The following FSTL4 variants were observed in gnomAD, a reference collection of about 807,000 sequenced individuals.
FSTL4 encodes the protein follistatin like 4, also known as follistatin-related protein 4.
Under a neutral mutation model 78.2 loss-of-function variants are expected in FSTL4, and 28 were observed. The observed-to-expected ratio is 0.36, with a 90% CI of 0.27 to 0.49. The LOEUF (loss-of-function observed/expected upper bound fraction) is 0.49. Among genes scored for constraint, FSTL4 ranks in the 20% least tolerant of loss-of-function variants. FSTL4 has a pLI of 0.98. For missense variants in FSTL4, 922 were observed against 1,084.9 expected (o/e 0.85, Z 2.11); for synonymous variants, 422 against 440.5 (o/e 0.96, Z 0.53).
intron 13 of FSTL4, among the ~76,000 whole-genome samples, chr5:133,215,557 C>T (rs1291199134): frequency 6.6e-6 from 1 of 152,146 alleles, no homozygotes; most frequent in African/African-American, 2.4e-5. Flanking sequence ...AATCACCCCC[C>T]AATCTGCTCC....
Position 133,225,179 on chromosome 5 carries a change from A to G in FSTL4, c.1283T>C (p.Leu428Pro), listed in dbSNP as rs1489138622. The G allele has an allele frequency of 6.2e-7, 1 of 1,614,174 alleles. No individual in the cohort carries two copies. The highest frequency in any genetic ancestry group is 1.1e-5 in the South Asian group (1 of 91,078). Residue 428 changes from leucine (L) to proline (P), a missense_variant, in exon 10 of 16, where the codon CTC (leucine) becomes CCC (proline). By Grantham distance (98) the Leu-to-Pro change is moderately conservative. Coordinates refer to ENST00000265342, the MANE Select transcript of FSTL4 (RefSeq NM_015082.2). This position sits in a 1 kb window ranked among gnomAD's most constrained non-coding sequence, Gnocchi z 4.6. ...EVGVDEDISS[L>P]FIEDSARKTL... ...CTTTCTAGCTGAGTCTTCAATGAAG[A>G]GCGAGGAGATATCTTCATCCACACC... is the stretch of plus-strand genomic sequence containing the variant.
At chr5:133,834,423 A>G in the FSTL4 span, among the ~76,000 whole-genome samples, 2 of 152,272 alleles carry the variant, frequency 1.3e-5, no homozygotes, top group South Asian at 4.2e-4. Flanking sequence ...AAGGAATGAT[A>G]TAAATTAAAA....
At chr5:133,657,169 G>A in the FSTL4 span, among the ~76,000 whole-genome samples, 13 of 152,260 alleles carry the variant, frequency 8.5e-5, no homozygotes, top group African/African-American at 2.9e-4. Flanking sequence ...AGTCCGCTAC[G>A]CTGTGCTGTA....
At chr5:133,669,202 T>C in the FSTL4 span, among the ~76,000 whole-genome samples, 1 of 152,172 alleles carries the variant, frequency 6.6e-6, no homozygotes, top group East Asian at 1.9e-4. Context: ...CCCTGGCTTC[T>C]CTTCTAAAAT....
chr5:133,675,118 T>A, the FSTL4 span, among the ~76,000 whole-genome samples: 1 of 152,086 alleles, frequency 6.6e-6, no homozygotes, highest in East Asian at 1.9e-4. Flanking sequence ...CCACGGGGGC[T>A]CATGAAGGCC....
At chr5:133,568,703 C>T (rs968770153) in intron 2 of FSTL4, among the ~76,000 whole-genome samples, 4 of 152,170 alleles carry the variant, frequency 2.6e-5, no homozygotes, top group African/African-American at 7.2e-5. Flanking sequence ...GTATTTTGCA[C>T]AAAACAAACC....
At chr5:133,750,688 T>C in the FSTL4 span, among the ~76,000 whole-genome samples, 10 of 152,128 alleles carry the variant, frequency 6.6e-5, no homozygotes, top group Non-Finnish European at 1.2e-4. Context: ...GCTCCTAACA[T>C]GGCCATTGGC....
chr5:133,419,061 G>T (rs1371596923), intron 3 of FSTL4, among the ~76,000 whole-genome samples: 1 of 152,202 alleles, frequency 6.6e-6, no homozygotes, highest in Non-Finnish European at 1.5e-5. Flanking sequence ...TCATGTTATA[G>T]AATACATCGA....
the FSTL4 span, among the ~76,000 whole-genome samples, chr5:133,768,191 G>C: frequency 6.6e-6 from 1 of 152,274 alleles, no homozygotes; most frequent in Non-Finnish European, 1.5e-5. Context: ...TCTCCATCCA[G>C]AATGGAGCAG....
chr5:133,353,403 G>T (rs1240294164), intron 4 of FSTL4, among the ~76,000 whole-genome samples: 1 of 152,184 alleles, frequency 6.6e-6, no homozygotes, highest in Non-Finnish European at 1.5e-5. Flanking sequence ...CATGTGGGCT[G>T]GAGCCAGACT....
intron 11 of FSTL4, among the ~76,000 whole-genome samples, chr5:133,223,905 G>T (rs1581542607): frequency 6.6e-6 from 1 of 152,146 alleles, no homozygotes; most frequent in Non-Finnish European, 1.5e-5. Context: ...CTGGAAAAAA[G>T]TTTAAGGCCC....
At chr5:133,815,826 C>T in the FSTL4 span, among the ~76,000 whole-genome samples, 1 of 152,188 alleles carries the variant, frequency 6.6e-6, no homozygotes, top group East Asian at 1.9e-4. Flanking sequence ...AAAGCTCTGG[C>T]TTCTTGATAC....
At chr5:133,521,326 C>A (rs1351267250) in intron 3 of FSTL4, among the ~76,000 whole-genome samples, 1 of 152,208 alleles carries the variant, frequency 6.6e-6, no homozygotes, top group Non-Finnish European at 1.5e-5. Context: ...CCCTGCTGAG[C>A]CCTGAATCCA....
At chr5:133,761,397 T>C in the FSTL4 span, among the ~76,000 whole-genome samples, 1 of 152,178 alleles carries the variant, frequency 6.6e-6, no homozygotes, top group African/African-American at 2.4e-5. Flanking sequence ...TCTCGGTAAA[T>C]AAAATCTCCA....
chr5:133,252,273 G>C (rs1752273575), intron 6 of FSTL4: 4 of 152,218 alleles, frequency 2.6e-5, no homozygotes, highest in Non-Finnish European at 5.9e-5. Flanking sequence ...TCTGTGGTCA[G>C]ACTAGAAGGA....
chr5:133,437,057 G>A (rs537835821), intron 3 of FSTL4, among the ~76,000 whole-genome samples: 1 of 152,328 alleles, frequency 6.6e-6, no homozygotes, highest in African/African-American at 2.4e-5. Flanking sequence ...AAGATCTATG[G>A]CTTAGGAAGA....
chr5:133,765,305 T>C, the FSTL4 span, among the ~76,000 whole-genome samples: 1 of 152,244 alleles, frequency 6.6e-6, no homozygotes, highest in Non-Finnish European at 1.5e-5. Context: ...AAATATTACT[T>C]TGTATTATCT....
At chr5:133,476,556 AGTT>A (rs1757928776) in intron 3 of FSTL4, among the ~76,000 whole-genome samples, 1 of 152,224 alleles carries the variant, frequency 6.6e-6, no homozygotes, top group Non-Finnish European at 1.5e-5. Flanking sequence ...GTTAGAGAGA[AGTT>A]GTTGTGGAGA....
chr5:133,300,930 CT>C (rs1008619109), intron 6 of FSTL4, among the ~76,000 whole-genome samples: 4 of 152,098 alleles, frequency 2.6e-5, no homozygotes, highest in Admixed American at 1.3e-4. Flanking sequence ...AAGCCCTGAG[CT>C]TTGTCAGGAG....
Sources: gnomAD v4.1 joint callset for allele counts (sites outside exome capture counted in the v4.1 genomes callset) on GRCh38, gnomAD v4.1.1 for gene constraint, Gnocchi (gnomAD v3.1) non-coding constraint, MANE v1.5 for transcripts, NCBI Gene and HGNC (gene_info 2026-07-23, HGNC 2026-07-21) for gene names.